The following FOXE1 variants were observed in gnomAD, a reference collection of about 807,000 sequenced individuals.
FOXE1 encodes forkhead box protein E1.
In FOXE1, 4 loss-of-function variants were observed where a neutral mutation model predicts 2.1. That is an observed-to-expected ratio of 1.91 (90% CI 0.94 to 4.37). FOXE1 has a LOEUF of 4.37. Ranked by LOEUF, FOXE1 falls within the 30% of genes most tolerant of loss-of-function variation. The probability of loss-of-function intolerance (pLI) is 0.01; values close to 1 mark genes in which losing one functional copy is unlikely to be tolerated. For missense variants in FOXE1, 574 were observed against 583.3 expected, an observed-to-expected ratio of 0.98 and a Z score of 0.16; for synonymous variants, 277 against 272.4, an observed-to-expected ratio of 1.02 and a Z score of -0.17.
chr9:97,854,215 A>G lies in FOXE1; in HGVS notation c.301A>G (p.Ile101Val), dbSNP rs1478308136. The change falls in exon 1 of 1, where the codon ATC (isoleucine) becomes GTC (valine). Residue 101 changes from isoleucine to valine, a missense_variant. Transcript: ENST00000375123. Reference sequence around the variant, plus strand: ...CAACCCCAAAAAGTGGCAGAACAGCATCCGCCACAACCTCACACTCAACGA... The same window carrying G: ...CAACCCCAAAAAGTGGCAGAACAGCGTCCGCCACAACCTCACACTCAACGA... Reference protein sequence around the residue: ...RDNPKKWQNSIRHNLTLNDCF... With the variant: ...RDNPKKWQNSVRHNLTLNDCF... The G allele has an allele frequency of 6.2e-7, 1 of 1,612,920 alleles. No homozygotes were observed. Among genetic ancestry groups the G allele is most frequent in the South Asian group, 1.1e-5 (1 of 91,076 alleles).
Position 97,855,021 on chromosome 9 carries a change from C to T in FOXE1, c.1107C>T (p.Phe369=), listed in dbSNP as rs1201163554. The change falls in exon 1 of 1, where the codon TTC becomes TTT. Residue 369 remains phenylalanine, a synonymous_variant. Coordinates refer to ENST00000375123, the MANE Select transcript of FOXE1 (RefSeq NM_004473.4). The part of the protein sequence containing the change: ...AAAYPGGIDR[F]VSAM Reference sequence around the variant, plus strand: ...CTTATCCCGGTGGGATAGATCGGTTCGTGTCCGCCATGTGAGCCAGCGTAG... The same window carrying T: ...CTTATCCCGGTGGGATAGATCGGTTTGTGTCCGCCATGTGAGCCAGCGTAG... The T allele has an allele frequency of 1.2e-5, 20 of 1,611,456 alleles. No individual in the cohort carries two copies. Among genetic ancestry groups the T allele is most frequent in the Non-Finnish European group, 1.7e-5 (20 of 1,179,998 alleles).
rs937516178 is a variant in FOXE1, at chr9:97,855,146, G to C, written c.*110G>C. 1 of 1,380,684 alleles carries C rather than the reference G, an allele frequency of 7.2e-7. No homozygotes were observed. Among genetic ancestry groups the C allele is most frequent in the African/African-American group, 1.4e-5 (1 of 69,702 alleles). 85.5% of individuals were successfully genotyped at this position (1,380,684 alleles called of 1,614,324 possible). ...ACTCAACTGGGACCCACGTGGAAAA[G>C]ACCGAGCAGGCCACAGAGGCTCGGT... On this transcript the variant is annotated 3_prime_UTR_variant, in exon 1 of 1. Transcript: ENST00000375123.
In FOXE1 at chr9:97,854,331, C is replaced by A. The variant is rs1469457578; in HGVS notation, c.417C>A (p.Ser139Arg). The part of the protein sequence containing the change: ...LDPNAEDMFE[S>R]GSFLRRRKRF... ...CCAACGCGGAGGACATGTTCGAGAG[C>A]GGCAGCTTCCTGCGCCGCCGCAAGC... Residue 139 changes from serine (S) to arginine (R), a missense_variant, in exon 1 of 1, where the codon AGC (serine) becomes AGA (arginine). Ser to Arg is a moderately radical substitution (Grantham distance 110). Transcript: ENST00000375123. 1 of 1,605,626 alleles carries A rather than the reference C, an allele frequency of 6.2e-7. No homozygotes were observed. Among genetic ancestry groups the A allele is most frequent in the African/African-American group, 1.3e-5 (1 of 74,502 alleles).
Position 97,854,680 on chromosome 9 carries a change from G to A in FOXE1, c.766G>A (p.Ala256Thr), listed in dbSNP as rs1179728924. The change falls in exon 1 of 1, where the codon GCT becomes ACT. Residue 256 changes from alanine (A) to threonine (T), a missense_variant. Physicochemically the swap from Ala to Thr is moderately conservative, Grantham distance 58 (BLOSUM62 0). Transcript: ENST00000375123. ...SCAFASAGAP[A>T]TTTGYQPAGC... ...CGCCTTTGCCTCCGCCGGCGCCCCC[G>A]CTACCACCACCGGCTACCAGCCCGC... is the stretch of plus-strand genomic sequence containing the variant. 1.4e-6 allele frequency: 2 copies of A among 1,409,358 alleles called. No individual in the cohort carries two copies. Among genetic ancestry groups the A allele is most frequent in the South Asian group, 3.0e-5 (2 of 66,198 alleles). 87.3% of individuals were successfully genotyped at this position (1,409,358 alleles called of 1,614,324 possible).
Position 97,855,456 on chromosome 9 carries a change from G to A in FOXE1, c.*420G>A, listed in dbSNP as rs1298184260. ...GGTTCGTCCTCTAGTGCCTTTAACT[G>A]CGTTACTACAATAAAAGGCTGCGGC... On this transcript the variant is annotated 3_prime_UTR_variant, in exon 1 of 1. Transcript: ENST00000375123. 1 of 231,652 alleles carries A rather than the reference G, an allele frequency of 4.3e-6. No homozygotes were observed. Among genetic ancestry groups the A allele is most frequent in the East Asian group, 1.1e-4 (1 of 9,176 alleles). The allele number at this position is 231,652 out of a possible 1,614,324, so 14.3% of individuals were successfully genotyped here. A position where few individuals can be genotyped will look rare whatever the true frequency, so the allele number is the denominator to read the frequency against.
chr9:97,854,692 G>A lies in FOXE1; in HGVS notation c.778G>A (p.Gly260Ser), dbSNP rs1158688131. The A allele has an allele frequency of 1.4e-6, 2 of 1,412,612 alleles. No individual in the cohort carries two copies. The highest frequency in any genetic ancestry group is 1.5e-5 in the South Asian group (1 of 66,578). The allele number at this position is 1,412,612 out of a possible 1,614,324, so 87.5% of individuals were successfully genotyped here. A position where few individuals can be genotyped will look rare whatever the true frequency, so the allele number is the denominator to read the frequency against. ...CGCCGGCGCCCCCGCTACCACCACC[G>A]GCTACCAGCCCGCAGGCTGCACCGG... ...ASAGAPATTT[G>S]YQPAGCTGAR... is the part of the protein sequence containing the mutation. The change falls in exon 1 of 1, where the codon GGC becomes AGC. Residue 260 changes from glycine to serine, a missense_variant. This residue lies in a region of FOXE1 where 316 missense variants were observed against 288.4 expected (regional missense o/e 1.10). Coordinates refer to ENST00000375123, the MANE Select transcript of FOXE1 (RefSeq NM_004473.4).
At position 97,854,612 on chromosome 9, in the gene FOXE1, G is replaced by C; in HGVS notation, c.698G>C (p.Ser233Thr). 7.2e-7 allele frequency: 1 copy of C among 1,383,252 alleles called. No individual in the cohort carries two copies. The highest frequency in any genetic ancestry group is 1.6e-5 in the South Asian group (1 of 62,134). The allele number at this position is 1,383,252 out of a possible 1,614,324, so 85.7% of individuals were successfully genotyped here. Residue 233 changes from serine (S) to threonine (T), a missense_variant, in exon 1 of 1, where the codon AGC becomes ACC. By Grantham distance (58) the Ser-to-Thr change is moderately conservative. Around this residue, in one of 3 missense-constraint regions of FOXE1, gnomAD observed 316 missense variants for 288.4 expected, o/e 1.10. Transcript: ENST00000375123. ...VFGLVPERPL[S>T]PELGPAPSGP... Reference sequence around the variant, plus strand: ...GGCCTGGTTCCTGAGCGGCCGCTCAGCCCAGAGCTGGGGCCCGCACCGTCG... The same window carrying C: ...GGCCTGGTTCCTGAGCGGCCGCTCACCCCAGAGCTGGGGCCCGCACCGTCG...
chr9:97,854,108 C>T lies in FOXE1; in HGVS notation c.194C>T (p.Ala65Val), dbSNP rs104894110. 4.3e-6 allele frequency: 7 copies of T among 1,610,888 alleles called. No individual in the cohort carries two copies. Among genetic ancestry groups the T allele is most frequent in the Non-Finnish European group, 5.1e-6 (6 of 1,178,754 alleles). The stretch of plus-strand genomic sequence containing the variant: ...AGCTACATCGCGCTCATCGCCATGG[C>T]CATCGCGCACGCGCCCGAGCGCCGC... ...PYSYIALIAMAIAHAPERRLT... is the reference protein window; with the variant it reads ...PYSYIALIAMVIAHAPERRLT... The change falls in exon 1 of 1, where the codon GCC (alanine) becomes GTC (valine). Residue 65 changes from alanine (A) to valine (V), a missense_variant. Coordinates refer to ENST00000375123, the MANE Select transcript of FOXE1 (RefSeq NM_004473.4).
Position 97,855,530 on chromosome 9 carries a change from G to A in FOXE1, c.*494G>A, listed in dbSNP as rs1830661549. 5.3e-6 allele frequency: 1 copy of A among 187,958 alleles called. No homozygotes were observed. The highest frequency in any genetic ancestry group is 5.6e-5 in the Admixed American group (1 of 17,828). The allele number at this position is 187,958 out of a possible 1,614,324, so 11.6% of individuals were successfully genotyped here. On this transcript the variant is annotated 3_prime_UTR_variant, in exon 1 of 1. Coordinates refer to ENST00000375123, the MANE Select transcript of FOXE1 (RefSeq NM_004473.4). Reference sequence around the variant, plus strand: ...GAGGACAAATTTGCAAAAGAAATAGGCTTTTCTTCTTTTTTAAATTGGAGA... The same window carrying A: ...GAGGACAAATTTGCAAAAGAAATAGACTTTTCTTCTTTTTTAAATTGGAGA...
chr9:97,854,021 C>G lies in FOXE1; in HGVS notation c.107C>G (p.Thr36Arg), dbSNP rs554583478. Residue 36 changes from threonine (T) to arginine (R), a missense_variant, in exon 1 of 1, where the codon ACG becomes AGG. Coordinates refer to ENST00000375123, the MANE Select transcript of FOXE1 (RefSeq NM_004473.4). ...AAGAGVPGEA[T>R]GRGAGGRRRK... is the part of the protein sequence containing the mutation. Reference sequence around the variant, plus strand: ...GGGGCCGGGGTCCCAGGGGAGGCCACGGGCCGCGGGGCGGGCGGGCGGCGC... The same window carrying G: ...GGGGCCGGGGTCCCAGGGGAGGCCAGGGGCCGCGGGGCGGGCGGGCGGCGC... 7.1e-7 allele frequency: 1 copy of G among 1,408,420 alleles called. No homozygotes were observed. Among genetic ancestry groups the G allele is most frequent in the Non-Finnish European group, 9.2e-7 (1 of 1,085,540 alleles). The allele number at this position is 1,408,420 out of a possible 1,614,324, so 87.2% of individuals were successfully genotyped here. A position where few individuals can be genotyped will look rare whatever the true frequency, so the allele number is the denominator to read the frequency against.
At position 97,855,193 on chromosome 9, in the gene FOXE1, AC is replaced by A. The variant is rs1830656293; in HGVS notation, c.*160del. On this transcript the variant is annotated 3_prime_UTR_variant, in exon 1 of 1. Coordinates refer to ENST00000375123, the MANE Select transcript of FOXE1 (RefSeq NM_004473.4). ...CGGTCTCCCCGCGCACAGCGTAGGC[AC>A]CCGGTGTACTCTGTAAACGGGAGGA... 2 of 949,414 alleles carry A rather than the reference AC, an allele frequency of 2.1e-6. No individual in the cohort carries two copies. Among genetic ancestry groups the A allele is most frequent in the Non-Finnish European group, 3.3e-6 (2 of 604,228 alleles). 58.8% of individuals were successfully genotyped at this position (949,414 alleles called of 1,614,324 possible).
Position 97,854,263 on chromosome 9 carries a change from G to C in FOXE1, c.349G>C (p.Glu117Gln). Residue 117 changes from glutamate to glutamine, a missense_variant, in exon 1 of 1, where the codon GAG (glutamate) becomes CAG (glutamine). Glu to Gln is a conservative substitution (Grantham distance 29). Transcript: ENST00000375123. ...CGACTGCTTCCTCAAGATCCCGCGC[G>C]AGGCCGGCCGCCCGGGTAAGGGCAA... ...LNDCFLKIPREAGRPGKGNYW... is the reference protein window; with the variant it reads ...LNDCFLKIPRQAGRPGKGNYW... 4 of 1,612,906 alleles carry C rather than the reference G, an allele frequency of 2.5e-6. No homozygotes were observed. The East Asian group carries it at 8.9e-5, about 36-fold the overall frequency.
At position 97,854,596 on chromosome 9, in the gene FOXE1, C is replaced by G. The variant is rs556903865; in HGVS notation, c.682C>G (p.Pro228Ala). The change falls in exon 1 of 1, where the codon CCT becomes GCT. Residue 228 changes from proline to alanine, a missense_variant. By Grantham distance (27) the Pro-to-Ala change is conservative. This residue lies in a region of FOXE1 where 316 missense variants were observed against 288.4 expected (regional missense o/e 1.10). Transcript: ENST00000375123. Reference protein sequence around the residue: ...PGPCRVFGLVPERPLSPELGP... With the variant: ...PGPCRVFGLVAERPLSPELGP... ...CCCTTGCCGCGTCTTCGGCCTGGTT[C>G]CTGAGCGGCCGCTCAGCCCAGAGCT... 11 of 1,357,192 alleles carry G rather than the reference C, an allele frequency of 8.1e-6. No homozygotes were observed. The East Asian group carries it at 2.5e-4, about 31-fold the overall frequency. 84.1% of individuals were successfully genotyped at this position (1,357,192 alleles called of 1,614,324 possible).
Position 97,854,809 on chromosome 9 carries a change from G to T in FOXE1, c.895G>T (p.Ala299Ser). ...GGGCGCCGGCAGTGCGATCTTTGCC[G>T]CTGCTGGCCGCCTGGCGGGACCCGC... The part of the protein sequence containing the change: ...PQGAGSAIFA[A>S]AGRLAGPASP... The change falls in exon 1 of 1, where the codon GCT becomes TCT. Residue 299 changes from alanine (A) to serine (S), a missense_variant. Around this residue, in one of 3 missense-constraint regions of FOXE1, gnomAD observed 316 missense variants for 288.4 expected, o/e 1.10. Transcript: ENST00000375123. 6.5e-7 allele frequency: 1 copy of T among 1,532,208 alleles called. No homozygotes were observed. The highest frequency in any genetic ancestry group is 1.2e-5 in the South Asian group (1 of 84,008). The allele number at this position is 1,532,208 out of a possible 1,614,324, so 94.9% of individuals were successfully genotyped here. A position where few individuals can be genotyped will look rare whatever the true frequency, so the allele number is the denominator to read the frequency against.
In FOXE1 at chr9:97,855,376, G is replaced by A. The variant is rs1587809476; in HGVS notation, c.*340G>A. ...AACACCAGAGACCAGGATCCAAATT[G>A]TGGGGAATCAGTTTCAGCCTTCCAT... On this transcript the variant is annotated 3_prime_UTR_variant, in exon 1 of 1. Transcript: ENST00000375123. 2 of 429,068 alleles carry A rather than the reference G, an allele frequency of 4.7e-6. No individual in the cohort carries two copies. Among genetic ancestry groups the A allele is most frequent in the East Asian group, 9.0e-5 (2 of 22,286 alleles). 26.6% of individuals were successfully genotyped at this position (429,068 alleles called of 1,614,324 possible).
In FOXE1 at chr9:97,854,130, C is replaced by T. The variant is rs1217217942; in HGVS notation, c.216C>T (p.Arg72=). ...TGGCCATCGCGCACGCGCCCGAGCGCCGCCTCACGCTGGGCGGCATCTACA... is the reference window on the plus strand; with the variant it reads ...TGGCCATCGCGCACGCGCCCGAGCGTCGCCTCACGCTGGGCGGCATCTACA... ...IAMAIAHAPE[R]RLTLGGIYKF... The change falls in exon 1 of 1, where the codon CGC becomes CGT. Residue 72 remains arginine, a synonymous_variant. Transcript: ENST00000375123. 3 of 1,612,352 alleles carry T rather than the reference C, an allele frequency of 1.9e-6. No individual in the cohort carries two copies. Among genetic ancestry groups the T allele is most frequent in the East Asian group, 4.5e-5 (2 of 44,768 alleles).
chr9:97,854,418 A>C lies in FOXE1; in HGVS notation c.504A>C (p.Ala168=), dbSNP rs3021524. Residue 168 remains alanine, a synonymous_variant, in exon 1 of 1, where the codon GCA becomes GCC. Coordinates refer to ENST00000375123, the MANE Select transcript of FOXE1 (RefSeq NM_004473.4). ...ACATGCACGACGCGGCGGCTGCCGCAGCCGCCGCCGCCGCCGCCGCCGCCG... is the reference window on the plus strand; with the variant it reads ...ACATGCACGACGCGGCGGCTGCCGCCGCCGCCGCCGCCGCCGCCGCCGCCG... ...PAYMHDAAAA[A]AAAAAAAAAA... is the part of the protein sequence containing the mutation. 560 of 1,220,038 alleles carry C rather than the reference A, an allele frequency of 4.6e-4. 4 individuals are homozygous for C. Among genetic ancestry groups the C allele is most frequent in the Middle Eastern group, 1.6e-3 (5 of 3,124 alleles). 75.6% of individuals were successfully genotyped at this position (1,220,038 alleles called of 1,614,324 possible). A position where few individuals can be genotyped will look rare whatever the true frequency, so the allele number is the denominator to read the frequency against.
At position 97,855,211 on chromosome 9, in the gene FOXE1, A is replaced by C; in HGVS notation, c.*175A>C. On this transcript the variant is annotated 3_prime_UTR_variant, in exon 1 of 1. Coordinates refer to ENST00000375123, the MANE Select transcript of FOXE1 (RefSeq NM_004473.4). ...CGTAGGCACCCGGTGTACTCTGTAA[A>C]CGGGAGGAGGTGGGGCGAGGCAGCC... is the stretch of plus-strand genomic sequence containing the variant. The C allele has an allele frequency of 1.2e-6, 1 of 819,888 alleles. No homozygotes were observed. The highest frequency in any genetic ancestry group is 2.0e-6 in the Non-Finnish European group (1 of 491,988). The allele number at this position is 819,888 out of a possible 1,614,324, so 50.8% of individuals were successfully genotyped here. A position where few individuals can be genotyped will look rare whatever the true frequency, so the allele number is the denominator to read the frequency against.
rs913291080 is a variant in FOXE1 at position 97,854,481 on chromosome 9, C to T, written c.567C>T (p.Arg189=). ...AIFPGAVPAA[R]PPYPGAVYAG... is the part of the protein sequence containing the mutation. ...TCCCAGGCGCGGTGCCCGCCGCGCG[C>T]CCCCCCTACCCGGGCGCCGTCTATG... The change falls in exon 1 of 1, where the codon CGC becomes CGT. Residue 189 remains arginine (R), a synonymous_variant. Coordinates refer to ENST00000375123, the MANE Select transcript of FOXE1 (RefSeq NM_004473.4). 1.4e-5 allele frequency: 17 copies of T among 1,226,282 alleles called. No homozygotes were observed. Among genetic ancestry groups the T allele is most frequent in the Admixed American group, 4.4e-5 (1 of 22,764 alleles). The allele number at this position is 1,226,282 out of a possible 1,614,324, so 76.0% of individuals were successfully genotyped here. A position where few individuals can be genotyped will look rare whatever the true frequency, so the allele number is the denominator to read the frequency against.
Sources: allele counts gnomAD v4.1 joint callset, GRCh38; gene constraint gnomAD v4.1.1; regional missense constraint gnomAD v4.1.1; transcripts MANE v1.5; gene names NCBI Gene and HGNC (gene_info 2026-07-23, HGNC 2026-07-21).